SOCS2: variants seen among roughly 807,000 people sequenced by gnomAD.
The protein encoded by SOCS2 is CIS-2.
A neutral mutation model predicts 18.6 loss-of-function variants in SOCS2; 10 were observed. The ratio of observed to expected loss-of-function variants is 0.54; its 90% CI spans 0.33 to 0.91. The LOEUF (loss-of-function observed/expected upper bound fraction) is 0.91, where lower values mean the gene tolerates loss of function less well. Ranked by LOEUF, SOCS2 falls within the 40% of genes least tolerant of loss-of-function variation. SOCS2 has a pLI of 0.02. For missense variants in SOCS2, 231 were observed against 247.2 expected (o/e 0.93, Z 0.44); for synonymous variants, 104 against 104.0 (o/e 1.00, Z 0.00).
the SOCS2 span, among the ~76,000 whole-genome samples, chr12:93,601,050 G>A: frequency 6.7e-5 from 10 of 150,340 alleles, no homozygotes; most frequent in East Asian, 7.8e-4. Flanking sequence ...CTCGACCCCT[G>A]AAAGTGTTGG....
chr12:93,594,635 C>T, the SOCS2 span, among the ~76,000 whole-genome samples: 7 of 151,914 alleles, frequency 4.6e-5, no homozygotes, highest in African/African-American at 1.7e-4. Flanking sequence ...TCTTGTTTTT[C>T]CTGGATAATT....
chr12:93,573,207 G>C (rs1954324887), intron 1 of SOCS2, 171 bp downstream of exon 1: 1 of 843,600 alleles, frequency 1.2e-6, no homozygotes, highest in South Asian at 1.8e-5. Flanking sequence ...GAATGCGTAA[G>C]GAAAGTGGTT....
chr12:93,595,114 G>A, the SOCS2 span, among the ~76,000 whole-genome samples: 1 of 152,078 alleles, frequency 6.6e-6, no homozygotes, highest in African/African-American at 2.4e-5. Flanking sequence ...CGACTTAAAA[G>A]CATTTGTGAG....
chr12:93,614,581 T>TTCTTTCTC, the SOCS2 span, among the ~76,000 whole-genome samples: 1 of 95,286 alleles, frequency 1.0e-5, no homozygotes, highest in South Asian at 3.5e-4. Context: ...CTTTCTTTCT[T>TTCTTTCTC]TCTTTCTTTC....
the SOCS2 span, among the ~76,000 whole-genome samples, chr12:93,624,524 A>G: frequency 1.3e-5 from 2 of 151,972 alleles, no homozygotes; most frequent in Non-Finnish European, 2.9e-5. Context: ...GTGAGCCGAG[A>G]TTGCACCACT....
the SOCS2 span, among the ~76,000 whole-genome samples, chr12:93,614,376 T>TCTTA: frequency 5.6e-5 from 7 of 125,454 alleles, no homozygotes; most frequent in African/African-American, 2.2e-4. Context: ...TTTCTTTCTT[T>TCTTA]CTTTCTTTCT....
At chr12:93,577,416 C>G (rs961816736), downstream of SOCS2, among the ~76,000 whole-genome samples, 20 of 152,004 alleles carry the variant, frequency 1.3e-4, no homozygotes, top group African/African-American at 4.8e-4. Flanking sequence ...CTTGTATTAT[C>G]TCATTTAATT....
At chr12:93,616,741 G>A in the SOCS2 span, among the ~76,000 whole-genome samples, 2 of 152,162 alleles carry the variant, frequency 1.3e-5, no homozygotes, top group South Asian at 4.2e-4. Context: ...TGAGGCCATG[G>A]GGTAATGAAA....
At chr12:93,621,687 C>G in the SOCS2 span, among the ~76,000 whole-genome samples, 1 of 152,076 alleles carries the variant, frequency 6.6e-6, no homozygotes. Context: ...TCTCACTATG[C>G]TGTTCAGGCT....
the SOCS2 span, among the ~76,000 whole-genome samples, chr12:93,601,893 T>C: frequency 6.6e-6 from 1 of 152,122 alleles, no homozygotes; most frequent in Non-Finnish European, 1.5e-5. Flanking sequence ...CACATAAACT[T>C]AGATTAAGAT....
intron 1 of SOCS2, chr12:93,573,438 G>A (rs1185145492): frequency 2.6e-6 from 1 of 385,032 alleles, no homozygotes; most frequent in Non-Finnish European, 4.6e-6. Flanking sequence ...TCTGGCTCCC[G>A]GGCGGAGCTG....
At chr12:93,609,285 G>A in the SOCS2 span, among the ~76,000 whole-genome samples, 2 of 152,160 alleles carry the variant, frequency 1.3e-5, no homozygotes, top group South Asian at 2.1e-4. Context: ...CCAGCTACTC[G>A]GGAGGCTAAG....
At chr12:93,577,829 T>C (rs1954488207), downstream of SOCS2, among the ~76,000 whole-genome samples, 1 of 152,180 alleles carries the variant, frequency 6.6e-6, no homozygotes, top group African/African-American at 2.4e-5. Flanking sequence ...TCAATGCCAG[T>C]TACCAATTAT....
the SOCS2 span, among the ~76,000 whole-genome samples, chr12:93,594,619 T>C: frequency 6.6e-6 from 1 of 152,164 alleles, no homozygotes; most frequent in Non-Finnish European, 1.5e-5. Context: ...TTTCTTTAGA[T>C]ATAATTCTTG....
the SOCS2 span, among the ~76,000 whole-genome samples, chr12:93,606,495 T>C: frequency 6.6e-6 from 1 of 151,982 alleles, no homozygotes; most frequent in African/African-American, 2.4e-5. Flanking sequence ...TCTAGTTTGC[T>C]GAGAAGCTCT....
intron 1 of SOCS2, 137 bp downstream of exon 1, chr12:93,573,173 G>A (rs1458205513): frequency 2.6e-6 from 3 of 1,151,660 alleles, no homozygotes; most frequent in South Asian, 1.4e-5. Flanking sequence ...CGGAGAGCAC[G>A]CTCGCAGGGT....
chr12:93,614,526 T>A, the SOCS2 span, among the ~76,000 whole-genome samples: 1 of 89,866 alleles, frequency 1.1e-5, no homozygotes, highest in East Asian at 3.6e-4. Flanking sequence ...CTTCCTTCCT[T>A]CCTTCCTTCC....
At chr12:93,612,578 T>A in the SOCS2 span, among the ~76,000 whole-genome samples, 1 of 152,204 alleles carries the variant, frequency 6.6e-6, no homozygotes. Context: ...AAACTATGCA[T>A]TCTAATCTCT....
At chr12:93,614,412 T>TCC in the SOCS2 span, among the ~76,000 whole-genome samples, 10 of 118,972 alleles carry the variant, frequency 8.4e-5, no homozygotes, top group African/African-American at 1.9e-4. Context: ...TTTCTTTCTT[T>TCC]CTTTCTTCCT....
Sources: gnomAD v4.1 joint callset for allele counts (sites outside exome capture counted in the v4.1 genomes callset) on GRCh38, gnomAD v4.1.1 for gene constraint, MANE v1.5 for transcripts, NCBI Gene and HGNC (gene_info 2026-07-23, HGNC 2026-07-21) for gene names.